Variants in DYNC1LI2 observed in about 807,000 individuals in gnomAD.
DYNC1LI2 encodes the protein dynein cytoplasmic 1 light intermediate chain 2.
In DYNC1LI2, 19 loss-of-function variants were observed where a neutral mutation model predicts 57.8. That is an observed-to-expected ratio of 0.33 (90% CI 0.23 to 0.48). The LOEUF is 0.48. Ranked by LOEUF, DYNC1LI2 falls within the 20% of genes least tolerant of loss-of-function variation. DYNC1LI2 has a pLI of 0.99. For missense variants in DYNC1LI2, 470 were observed against 604.2 expected (o/e 0.78, Z 2.33); for synonymous variants, 256 against 233.4 (o/e 1.10, Z -0.88).
chr16:66,742,548 G>T lies in DYNC1LI2; in HGVS notation c.419C>A (p.Ser140Tyr). Residue 140 changes from serine (S) to tyrosine (Y), a missense_variant, in exon 4 of 13, where the codon TCT becomes TAT. Ser to Tyr is a moderately radical substitution (Grantham distance 144). Transcript: ENST00000258198. ...AGATTCCATCACAGTCCAAGGTCTA[G>T]ACATGTCTGCAACAAAAATGACGAG... ...ETLVIFVADM[S>Y]RPWTVMESLQ... The T allele has an allele frequency of 6.2e-7, 1 of 1,614,198 alleles. No homozygotes were observed. Among genetic ancestry groups the T allele is most frequent in the Middle Eastern group, 1.6e-4 (1 of 6,062 alleles).
chr16:66,729,716 C>T (rs1379192540), intron 8 of DYNC1LI2, among the ~76,000 whole-genome samples: 1 of 151,544 alleles, frequency 6.6e-6, no homozygotes, highest in Non-Finnish European at 1.5e-5. Context: ...GCTGGGATTA[C>T]AGGAATCAGC....
At position 66,723,033 on chromosome 16, in the gene DYNC1LI2, C is replaced by T. The variant is rs546784016; in HGVS notation, c.*689G>A. The T allele has an allele frequency of 8.9e-4, 283 of 318,082 alleles. 4 individuals carry two copies. Among genetic ancestry groups the T allele is most frequent in the Middle Eastern group, 4.6e-3 (4 of 876 alleles). The allele number at this position is 318,082 out of a possible 1,614,324, so 19.7% of individuals were successfully genotyped here. A position where few individuals can be genotyped will look rare whatever the true frequency, so the allele number is the denominator to read the frequency against. On this transcript the variant is annotated 3_prime_UTR_variant, in exon 13 of 13. Coordinates refer to ENST00000258198, the MANE Select transcript of DYNC1LI2 (RefSeq NM_006141.3). ...CACATGGGTCCTGGGCAGCTGCCAT[C>T]GTTCCCACCCCTGGGTCAGCTCCGC...
chr16:66,727,916 G>A (rs2017565507), intron 10 of DYNC1LI2, 111 bp from the exon 11 acceptor site: 21 of 1,021,624 alleles, frequency 2.1e-5, no homozygotes, highest in Non-Finnish European at 3.0e-5. Context: ...CTATGGTACA[G>A]GACTGGGAGT....
intron 11 of DYNC1LI2, among the ~76,000 whole-genome samples, chr16:66,726,274 T>C (rs904461084): frequency 6.6e-6 from 1 of 152,228 alleles, no homozygotes; most frequent in Admixed American, 6.5e-5. Context: ...ACATCCTGAA[T>C]AGAAGACACC....
At chr16:66,724,062 C>T (rs1022627358) in intron 12 of DYNC1LI2, among the ~76,000 whole-genome samples, 3 of 152,148 alleles carry the variant, frequency 2.0e-5, no homozygotes, top group African/African-American at 4.8e-5. Flanking sequence ...TGACTGCTCT[C>T]TGGCGGGGGG....
intron 9 of DYNC1LI2, among the ~76,000 whole-genome samples, 196 bp downstream of exon 9, chr16:66,728,844 T>C (rs11075642): frequency 0.3 from 45,735 of 152,084 alleles, 8,132 homozygotes; most frequent in East Asian, 0.6. Context: ...GCAAGGCAGG[T>C]AGGTGATCTC....
chr16:66,741,346 G>A (rs2017832180), intron 4 of DYNC1LI2, among the ~76,000 whole-genome samples: 2 of 152,166 alleles, frequency 1.3e-5, no homozygotes, highest in African/African-American at 4.8e-5. Context: ...AAGGTCAGTG[G>A]TTGAAGACAC....
At chr16:66,728,735 G>A (rs2017580698) in intron 9 of DYNC1LI2, among the ~76,000 whole-genome samples, 1 of 152,166 alleles carries the variant, frequency 6.6e-6, no homozygotes. Flanking sequence ...CAGGTTACTT[G>A]GTTAACTGTC....
Position 66,725,956 on chromosome 16 carries a change from TAAAG to T in DYNC1LI2, c.1262-16_1262-13del, listed in dbSNP as rs768910291. The T allele has an allele frequency of 1.0e-4, 162 of 1,603,340 alleles. No individual in the cohort carries two copies. Among genetic ancestry groups the T allele is most frequent in the Non-Finnish European group, 1.3e-4 (158 of 1,177,228 alleles). ...ACTTGCTGCATTATCTAAGGAAAATTAAAGAGAAAAAAAAGCATCATATAAACTG... is the reference window on the plus strand; with the variant it reads ...ACTTGCTGCATTATCTAAGGAAAATTAGAAAAAAAAGCATCATATAAACTG... On this transcript the variant is annotated splice_polypyrimidine_tract_variant and intron_variant, in intron 11 of 12. Coordinates refer to ENST00000258198, the MANE Select transcript of DYNC1LI2 (RefSeq NM_006141.3).
chr16:66,724,018 GGC>G (rs2017495122), intron 12 of DYNC1LI2, among the ~76,000 whole-genome samples, 196 bp from the exon 13 acceptor site: 1 of 152,086 alleles, frequency 6.6e-6, no homozygotes, highest in Admixed American at 6.6e-5. Flanking sequence ...AAAAGTCACA[GGC>G]CAGTGCTTCC....
rs2018042621 is a variant in DYNC1LI2 at position 66,751,202 on chromosome 16, G to A, written c.181+71C>T. 2.6e-6 allele frequency: 4 copies of A among 1,523,058 alleles called. No homozygotes were observed. The Admixed American group carries it at 5.6e-5, about 21-fold the overall frequency. 94.3% of individuals were successfully genotyped at this position (1,523,058 alleles called of 1,614,324 possible). ...CAGGCGGCTGGAACGGGGAAGGCGG[G>A]GACCTGAGGGAGGGGCGCCCGCCTC... On this transcript the variant is annotated intron_variant, in intron 2 of 12. Transcript: ENST00000258198. The surrounding 1 kb of genome is among the most constrained non-coding windows in gnomAD (Gnocchi z 5.2).
intron 3 of DYNC1LI2, among the ~76,000 whole-genome samples, chr16:66,743,739 T>G (rs1233716184): frequency 1.3e-5 from 2 of 152,194 alleles, no homozygotes; most frequent in Non-Finnish European, 2.9e-5. Flanking sequence ...GCCCTTCTTG[T>G]GTTGGTCACA....
intron 7 of DYNC1LI2, chr16:66,730,869 C>G (rs905439288): frequency 2.6e-5 from 4 of 152,232 alleles, no homozygotes; most frequent in African/African-American, 9.7e-5. Flanking sequence ...AAGCCACAGC[C>G]TAGGGTTCCC....
chr16:66,723,940 A>G (rs2017493796), intron 12 of DYNC1LI2, 118 bp from the exon 13 acceptor site: 3 of 827,230 alleles, frequency 3.6e-6, no homozygotes, highest in South Asian at 1.9e-5. Context: ...AGTAACCTTA[A>G]TAAGAATGAG....
At chr16:66,725,600 C>T (rs868746248) in intron 12 of DYNC1LI2, among the ~76,000 whole-genome samples, 24 of 152,292 alleles carry the variant, frequency 1.6e-4, no homozygotes, top group Middle Eastern at 3.4e-3. Flanking sequence ...ACCCAGTTCC[C>T]GAGAACCCAA....
In DYNC1LI2 at chr16:66,751,299, G is replaced by C. The variant is rs757970914; in HGVS notation, c.155C>G (p.Pro52Arg). 8.7e-6 allele frequency: 14 copies of C among 1,612,318 alleles called. No individual in the cohort carries two copies. The highest frequency in any genetic ancestry group is 1.3e-5 in the African/African-American group (1 of 74,788). ...GAAGACCAGGATGTTCTTGCCGGAC[G>C]GCAGCTTGGACCTGGCGCGGGTGGA... is the stretch of plus-strand genomic sequence containing the variant. ...EVSTRARSKLPSGKNILVFGE... is the reference protein window; with the variant it reads ...EVSTRARSKLRSGKNILVFGE... Residue 52 changes from proline (P) to arginine (R), a missense_variant, in exon 2 of 13, where the codon CCG becomes CGG. Coordinates refer to ENST00000258198, the MANE Select transcript of DYNC1LI2 (RefSeq NM_006141.3). The surrounding 1 kb of genome is among the most constrained non-coding windows in gnomAD (Gnocchi z 5.2).
chr16:66,740,660 CCTT>C (rs1314960469), intron 4 of DYNC1LI2, among the ~76,000 whole-genome samples: 5 of 152,228 alleles, frequency 3.3e-5, no homozygotes, highest in African/African-American at 1.2e-4. Context: ...TTCCCAGCCT[CCTT>C]AAGAGACAGC....
At chr16:66,743,106 G>A (rs1331121654) in intron 3 of DYNC1LI2, among the ~76,000 whole-genome samples, 1 of 152,048 alleles carries the variant, frequency 6.6e-6, no homozygotes, top group Non-Finnish European at 1.5e-5. Flanking sequence ...AGGTTGCGAT[G>A]AGCTGAGATT....
intron 4 of DYNC1LI2, among the ~76,000 whole-genome samples, chr16:66,737,731 T>C (rs760125289): frequency 6.6e-5 from 10 of 152,146 alleles, no homozygotes; most frequent in Non-Finnish European, 1.5e-4. Context: ...TGGTACAACA[T>C]CCACTTATTG....
Sources: gnomAD v4.1 joint callset for allele counts (sites outside exome capture counted in the v4.1 genomes callset) on GRCh38, gnomAD v4.1.1 for gene constraint, Gnocchi (gnomAD v3.1) non-coding constraint, MANE v1.5 for transcripts, NCBI Gene and HGNC (gene_info 2026-07-23, HGNC 2026-07-21) for gene names.